The following SYN2 variants were observed in gnomAD, a reference collection of about 807,000 sequenced individuals.
SYN2 encodes synapsin-2.
In SYN2, 19 loss-of-function variants were observed where a neutral mutation model predicts 50.9. That is an observed-to-expected ratio of 0.37 (90% CI 0.26 to 0.55). The LOEUF (loss-of-function observed/expected upper bound fraction) is 0.55. Ranked by LOEUF, SYN2 falls within the 20% of genes least tolerant of loss-of-function variation. The probability of loss-of-function intolerance (pLI) is 0.81; values close to 1 mark genes in which losing one functional copy is unlikely to be tolerated. For missense variants in SYN2, 587 were observed against 576.4 expected (o/e 1.02, Z -0.19); for synonymous variants, 255 against 224.9 (o/e 1.13, Z -1.20).
At chr3:12,072,489 T>C (rs1428765347) in intron 1 of SYN2, among the ~76,000 whole-genome samples, 1 of 152,230 alleles carries the variant, frequency 6.6e-6, no homozygotes, top group Non-Finnish European at 1.5e-5. Context: ...CATTCTGAGT[T>C]AATTTCTGTA....
In SYN2 at chr3:12,190,386, A is replaced by T; in HGVS notation, c.1614-104A>T. ...TTATCCTCCATCACCTTGGTTTCCCAGGGAGGGAGTGGGGGTTCTAGCTGT... is the reference window on the plus strand; with the variant it reads ...TTATCCTCCATCACCTTGGTTTCCCTGGGAGGGAGTGGGGGTTCTAGCTGT... On this transcript the variant is annotated intron_variant, in intron 12 of 12. Coordinates refer to ENST00000621198, the MANE Select transcript of SYN2 (RefSeq NM_133625.6). The T allele has an allele frequency of 8.9e-6, 12 of 1,352,188 alleles. No individual in the cohort carries two copies. In the South Asian group the frequency reaches 1.4e-4, roughly 16 times the overall value. 83.8% of individuals were successfully genotyped at this position (1,352,188 alleles called of 1,614,324 possible).
intron 1 of SYN2, among the ~76,000 whole-genome samples, chr3:12,018,451 G>A (rs1377015615): frequency 6.6e-6 from 1 of 152,164 alleles, no homozygotes; most frequent in Non-Finnish European, 1.5e-5. Flanking sequence ...CATAGAGCCA[G>A]GTGGTTAGCT....
intron 1 of SYN2, among the ~76,000 whole-genome samples, chr3:12,091,435 G>T (rs1695825966): frequency 6.6e-6 from 1 of 152,062 alleles, no homozygotes; most frequent in African/African-American, 2.4e-5. Flanking sequence ...TAATTAATCA[G>T]CTATGGAGAG....
intron 5 of SYN2, among the ~76,000 whole-genome samples, chr3:12,159,903 C>T (rs920555961): frequency 1.5e-4 from 23 of 151,828 alleles, no homozygotes; most frequent in African/African-American, 5.1e-4. Flanking sequence ...GTTAGCCGGG[C>T]GTGGTGGCCT....
In SYN2 at chr3:12,169,909, A is replaced by G. The variant is rs1391836451; in HGVS notation, c.1308+3A>G. ...CCCTAACAACCCAGCAGCCACAGGTAAGCAGCTAGGAAGAGACATAGCAGA... is the reference window on the plus strand; with the variant it reads ...CCCTAACAACCCAGCAGCCACAGGTGAGCAGCTAGGAAGAGACATAGCAGA... On this transcript the variant is annotated splice_donor_region_variant and intron_variant, in intron 10 of 12. Transcript: ENST00000621198. The G allele has an allele frequency of 6.2e-7, 1 of 1,604,382 alleles. No individual in the cohort carries two copies. Among genetic ancestry groups the G allele is most frequent in the South Asian group, 1.1e-5 (1 of 89,570 alleles).
intron 1 of SYN2, among the ~76,000 whole-genome samples, chr3:12,137,021 G>T (rs1018169076): frequency 3.3e-5 from 5 of 152,130 alleles, no homozygotes; most frequent in African/African-American, 1.2e-4. Flanking sequence ...CAAGGCAGGA[G>T]GATTGCTTGA....
intron 1 of SYN2, among the ~76,000 whole-genome samples, chr3:12,080,674 G>A (rs903485123): frequency 1.3e-5 from 2 of 152,112 alleles, no homozygotes; most frequent in African/African-American, 4.8e-5. Context: ...GAGACTTTTT[G>A]TTATGATTTC....
chr3:12,094,251 A>C (rs1695883854), intron 1 of SYN2, among the ~76,000 whole-genome samples: 2 of 152,298 alleles, frequency 1.3e-5, no homozygotes, highest in African/African-American at 4.8e-5. Context: ...TGCTTCTTGA[A>C]GGCAAGGAGT....
At position 12,191,163 on chromosome 3, in the gene SYN2, T is replaced by G. The variant is rs749951461; in HGVS notation, c.*538T>G. 1.3e-5 allele frequency: 13 copies of G among 985,492 alleles called. No homozygotes were observed. Among genetic ancestry groups the G allele is most frequent in the Non-Finnish European group, 1.4e-5 (12 of 830,064 alleles). The allele number at this position is 985,492 out of a possible 1,614,324, so 61.0% of individuals were successfully genotyped here. On this transcript the variant is annotated 3_prime_UTR_variant, in exon 13 of 13. Transcript: ENST00000621198. ...GCACACCCACCCAACTTACAAGATC[T>G]TAGGCTGCTGTGGTGGTGAAGCACC...
At chr3:12,144,673 C>T (rs1697103924) in intron 3 of SYN2, among the ~76,000 whole-genome samples, 1 of 152,186 alleles carries the variant, frequency 6.6e-6, no homozygotes, top group Non-Finnish European at 1.5e-5. Flanking sequence ...TAGTGCTTAG[C>T]CCAGAGGAGA....
At chr3:12,050,724 T>TTTTTTA in intron 1 of SYN2, among the ~76,000 whole-genome samples, 1 of 66,474 alleles carries the variant, frequency 1.5e-5, no homozygotes. Flanking sequence ...TTTTTTTTTT[T>TTTTTTA]TTTTTTTTTT....
chr3:12,088,546 T>G (rs147088697), intron 1 of SYN2, among the ~76,000 whole-genome samples: 25 of 152,330 alleles, frequency 1.6e-4, no homozygotes, highest in Non-Finnish European at 3.5e-4. Context: ...CTTCTGGATA[T>G]ATATCCAAAG....
intron 1 of SYN2, among the ~76,000 whole-genome samples, chr3:12,078,578 T>G (rs1421479090): frequency 6.6e-6 from 1 of 152,206 alleles, no homozygotes; most frequent in Non-Finnish European, 1.5e-5. Flanking sequence ...CCCCATTGCT[T>G]GTTTTTGTGA....
At position 12,190,647 on chromosome 3, in the gene SYN2, C is replaced by G. The variant is rs1309407027; in HGVS notation, c.*22C>G. On this transcript the variant is annotated 3_prime_UTR_variant, in exon 13 of 13. Transcript: ENST00000621198. ...TTAGCTCTTCAGACACACGGGGCACCCAGCCCAACCGGGAAAGGCATCTAA... is the reference window on the plus strand; with the variant it reads ...TTAGCTCTTCAGACACACGGGGCACGCAGCCCAACCGGGAAAGGCATCTAA... 1 of 1,606,232 alleles carries G rather than the reference C, an allele frequency of 6.2e-7. No homozygotes were observed. Among genetic ancestry groups the G allele is most frequent in the Non-Finnish European group, 8.5e-7 (1 of 1,176,850 alleles).
chr3:12,177,006 C>G (rs1698088396), intron 10 of SYN2, among the ~76,000 whole-genome samples: 1 of 152,118 alleles, frequency 6.6e-6, no homozygotes, highest in African/African-American at 2.4e-5. Flanking sequence ...GAGCAGGTAA[C>G]TTATAAAATC....
intron 1 of SYN2, among the ~76,000 whole-genome samples, chr3:12,060,773 T>C (rs307598): frequency 0.79 from 119,862 of 152,050 alleles, 47,498 homozygotes; most frequent in Middle Eastern, 0.9. Flanking sequence ...AACATAAAAC[T>C]TCACACTAAA....
rs770554981 is a variant in SYN2 at position 12,168,434 on chromosome 3, G to A, written c.1114G>A (p.Val372Ile). 6.2e-6 allele frequency: 10 copies of A among 1,613,872 alleles called. No individual in the cohort carries two copies. In the African/African-American group the frequency reaches 1.3e-4, roughly 22 times the overall value. ...GTTTGGCGGCCTGGACATCTGTGCT[G>A]TCAAAGCTGTACATGGCAAAGATGG... ...EMFGGLDICA[V>I]KAVHGKDGKD... Residue 372 changes from valine (V) to isoleucine (I), a missense_variant, in exon 9 of 13, where the codon GTC becomes ATC. Physicochemically the swap from Val to Ile is conservative, Grantham distance 29. Coordinates refer to ENST00000621198, the MANE Select transcript of SYN2 (RefSeq NM_133625.6).
chr3:12,054,703 G>A (rs1206860679), intron 1 of SYN2, among the ~76,000 whole-genome samples: 1 of 149,566 alleles, frequency 6.7e-6, no homozygotes, highest in East Asian at 2.0e-4. Flanking sequence ...CTCCTGGGGA[G>A]TAGTTCCAGT....
intron 1 of SYN2, among the ~76,000 whole-genome samples, chr3:12,106,334 GATA>G (rs144469374): frequency 1.3e-5 from 2 of 152,230 alleles, no homozygotes; most frequent in Non-Finnish European, 2.9e-5. Context: ...GGCCCACCTG[GATA>G]ATCTCCCTAT....
Sources: gnomAD v4.1 joint callset for allele counts (sites outside exome capture counted in the v4.1 genomes callset) on GRCh38, gnomAD v4.1.1 for gene constraint, MANE v1.5 for transcripts, NCBI Gene and HGNC (gene_info 2026-07-23, HGNC 2026-07-21) for gene names.